BANP: variants seen among roughly 807,000 people sequenced by gnomAD.
BANP encodes the protein protein BANP.
A neutral mutation model predicts 68.1 loss-of-function variants in BANP; 11 were observed. The ratio of observed to expected loss-of-function variants is 0.16; its 90% CI spans 0.10 to 0.27. The LOEUF is 0.27. BANP is among the 10% of genes least tolerant of loss of function. BANP has a pLI of 1.00. For synonymous variants in BANP, 329 were observed against 303.2 expected (o/e 1.09, Z -0.88); for missense variants, 504 against 722.7 (o/e 0.70, Z 3.47).
At chr16:87,974,557 G>A (rs964717162) in intron 1 of BANP, among the ~76,000 whole-genome samples, 26 of 152,208 alleles carry the variant, frequency 1.7e-4, no homozygotes, top group African/African-American at 5.3e-4. Context: ...AGATGGATGC[G>A]TGCAGCTGGG....
At chr16:88,053,573 C>CCAT (rs371710674) in intron 11 of BANP, among the ~76,000 whole-genome samples, 6 of 127,774 alleles carry the variant, frequency 4.7e-5, no homozygotes, top group African/African-American at 1.2e-4. Context: ...ACCATCATCT[C>CCAT]CATCATCATC....
intron 9 of BANP, among the ~76,000 whole-genome samples, chr16:88,034,626 A>T (rs1199556831): frequency 2.0e-5 from 3 of 152,038 alleles, no homozygotes; most frequent in Non-Finnish European, 4.4e-5. Context: ...GCCTCCCAGT[A>T]TCCCCAGAGA....
chr16:87,977,279 C>T (rs181189915), intron 2 of BANP, among the ~76,000 whole-genome samples: 9 of 152,132 alleles, frequency 5.9e-5, no homozygotes, highest in Non-Finnish European at 8.8e-5. Flanking sequence ...ATTAGCCGGG[C>T]GTGGTGGCGG....
rs2080186101 is a variant in BANP at position 88,039,339 on chromosome 16, G to T, written c.1311+1328G>T. ...ATGAGGCTGCGGTCGGCGCAGTGCAGGTCAGTTCTCCGCGCCTTTGTCCCG... is the reference window on the plus strand; with the variant it reads ...ATGAGGCTGCGGTCGGCGCAGTGCATGTCAGTTCTCCGCGCCTTTGTCCCG... On this transcript the variant is annotated intron_variant, in intron 11 of 13. Transcript: ENST00000682872. Among the ~76,000 whole-genome samples, 4 of 143,626 alleles carry T rather than the reference G, an allele frequency of 2.8e-5. No homozygotes were observed. In the Admixed American group the frequency reaches 2.8e-4, roughly 10 times the overall value. The allele number at this position is 143,626 out of a possible 152,430, so 94.2% of individuals were successfully genotyped here.
chr16:88,060,541 T>C (rs1288591492), intron 11 of BANP, among the ~76,000 whole-genome samples: 1 of 152,192 alleles, frequency 6.6e-6, no homozygotes, highest in Non-Finnish European at 1.5e-5. Flanking sequence ...GATTCAAACG[T>C]ATTTTTTGTG....
At chr16:87,985,464 C>G (rs1030670670) in intron 4 of BANP, among the ~76,000 whole-genome samples, 2 of 152,054 alleles carry the variant, frequency 1.3e-5, no homozygotes, top group African/African-American at 4.8e-5. Context: ...GCTCCCAGGT[C>G]AGGTGTGCAA....
At position 87,957,241 on chromosome 16, in the gene BANP, T is replaced by C. The variant is rs2058252574; in HGVS notation, c.-69+5726T>C. On this transcript the variant is annotated intron_variant, in intron 1 of 13. Transcript: ENST00000682872. This position sits in a 1 kb window ranked among gnomAD's most constrained non-coding sequence, Gnocchi z 4.3. ...GGTGGAGGATGGCGCGGTGCTCCAT[T>C]CGGAACCCACAGGTCGCCAGCTTAC... Among the ~76,000 whole-genome samples, 1 of 152,160 alleles carries C rather than the reference T, an allele frequency of 6.6e-6. No homozygotes were observed. The highest frequency in any genetic ancestry group is 6.5e-5 in the Admixed American group (1 of 15,284).
intron 6 of BANP, among the ~76,000 whole-genome samples, chr16:88,017,938 C>CG (rs2074972097): frequency 6.6e-6 from 1 of 152,050 alleles, no homozygotes; most frequent in South Asian, 2.1e-4. Flanking sequence ...ATTGTGTGCA[C>CG]GGGGGCGACG....
In BANP at chr16:87,957,200, G is replaced by C. The variant is rs2058240274; in HGVS notation, c.-69+5685G>C. 1 of 152,256 alleles carries C rather than the reference G, an allele frequency of 6.6e-6. No homozygotes were observed. The highest frequency in any genetic ancestry group is 1.5e-5 in the Non-Finnish European group (1 of 68,082). 9.4% of individuals were successfully genotyped at this position (152,256 alleles called of 1,614,324 possible). On this transcript the variant is annotated intron_variant, in intron 1 of 13. Coordinates refer to ENST00000682872, the MANE Select transcript of BANP (RefSeq NM_001386991.1). This position sits in a 1 kb window ranked among gnomAD's most constrained non-coding sequence, Gnocchi z 4.3. ...GCTCCCATGGGAGGTGTCTCTCTGG[G>C]GAAGGGGTCAGTGGTGGTGGAGGAT...
chr16:88,039,416 C>G (rs1247340600), intron 11 of BANP, among the ~76,000 whole-genome samples: 1 of 143,736 alleles, frequency 7.0e-6, no homozygotes, highest in Non-Finnish European at 1.6e-5. Flanking sequence ...AGCTGGCGGT[C>G]CGTCTTCGTT....
At chr16:87,964,904 A>G (rs1424518822) in intron 1 of BANP, among the ~76,000 whole-genome samples, 1 of 151,994 alleles carries the variant, frequency 6.6e-6, no homozygotes, top group Non-Finnish European at 1.5e-5. Context: ...GGTGGGTGAC[A>G]GGGGCTCAGT....
At chr16:88,020,982 A>G (rs1409419785) in intron 7 of BANP, among the ~76,000 whole-genome samples, 1 of 152,102 alleles carries the variant, frequency 6.6e-6, no homozygotes. Flanking sequence ...AAGGCACTGT[A>G]TGGGGCAGAA....
rs1042473237 is a variant in BANP at position 87,981,279 on chromosome 16, C to G, written c.162+152C>G. On this transcript the variant is annotated intron_variant, in intron 3 of 13. Coordinates refer to ENST00000682872, the MANE Select transcript of BANP (RefSeq NM_001386991.1). ...ATCAAGATGCAGGCAGGGTCTCGCTCCCTCCAAAGGTTCTAGAAGGTGGAT... is the reference window on the plus strand; with the variant it reads ...ATCAAGATGCAGGCAGGGTCTCGCTGCCTCCAAAGGTTCTAGAAGGTGGAT... 1.5e-5 allele frequency: 10 copies of G among 658,576 alleles called. No homozygotes were observed. In the Admixed American group the frequency reaches 2.3e-4, roughly 15 times the overall value. The allele number at this position is 658,576 out of a possible 1,614,324, so 40.8% of individuals were successfully genotyped here.
At chr16:87,958,030 G>T (rs7194122) in intron 1 of BANP, among the ~76,000 whole-genome samples, 34,425 of 152,066 alleles carry the variant, frequency 0.23, 4,388 homozygotes, top group East Asian at 0.49. Context: ...AGTGTTTTTA[G>T]AAGGCTGGGT....
chr16:88,039,939 A>G (rs1598752157), intron 11 of BANP, among the ~76,000 whole-genome samples: 1 of 152,390 alleles, frequency 6.6e-6, no homozygotes, highest in East Asian at 1.9e-4. Flanking sequence ...CGCAGAATGA[A>G]TAAAGCTGCC....
intron 11 of BANP, among the ~76,000 whole-genome samples, chr16:88,062,021 G>C (rs2086955578): frequency 6.6e-6 from 1 of 152,156 alleles, no homozygotes; most frequent in African/African-American, 2.4e-5. Context: ...ATTTGAAAAA[G>C]GCACCTTGGT....
intron 11 of BANP, among the ~76,000 whole-genome samples, chr16:88,063,090 T>C (rs1176176458): frequency 1.3e-5 from 2 of 152,242 alleles, no homozygotes; most frequent in Non-Finnish European, 2.9e-5. Flanking sequence ...GCGCCGTGCA[T>C]GGAGGTGCCC....
At chr16:88,055,140 G>A (rs1227707761) in intron 11 of BANP, among the ~76,000 whole-genome samples, 1 of 149,924 alleles carries the variant, frequency 6.7e-6, no homozygotes, top group African/African-American at 2.5e-5. Context: ...TTTTTAAACA[G>A]ATGTAGCTAA....
At chr16:88,047,418 C>G (rs1469627126) in intron 11 of BANP, among the ~76,000 whole-genome samples, 1 of 152,220 alleles carries the variant, frequency 6.6e-6, no homozygotes, top group East Asian at 1.9e-4. Context: ...GCTCCTTCCC[C>G]CAAACCAGGA....
Sources: allele counts gnomAD v4.1 joint callset (sites outside exome capture counted in the v4.1 genomes callset), GRCh38; gene constraint gnomAD v4.1.1; non-coding constraint Gnocchi (gnomAD v3.1); transcripts MANE v1.5; gene names NCBI Gene and HGNC (gene_info 2026-07-23, HGNC 2026-07-21).